Variants in GUCY1B1 observed in about 807,000 individuals in gnomAD.
GUCY1B1 encodes guanylate cyclase soluble subunit beta-1.
In GUCY1B1, 43 loss-of-function variants were observed where a neutral mutation model predicts 71.0. The observed-to-expected ratio is 0.61, with a 90% CI of 0.47 to 0.78. The LOEUF (loss-of-function observed/expected upper bound fraction) is 0.78. Among genes scored for constraint, GUCY1B1 ranks in the 30% least tolerant of loss-of-function variants. The pLI is 0.00. For synonymous variants in GUCY1B1, 266 were observed against 259.7 expected, an observed-to-expected ratio of 1.02 and a Z score of -0.23; for missense variants, 535 against 754.1, an observed-to-expected ratio of 0.71 and a Z score of 3.40.
At position 155,802,624 on chromosome 4, in the gene GUCY1B1, C is replaced by T. The variant is rs182191288; in HGVS notation, c.1413+45C>T. Reference sequence around the variant, plus strand: ...GACTGCAGAGCTATCCAGAGGCTGGCGTTCTGAGACTCCCCTCCAGAGGCC... The same window carrying T: ...GACTGCAGAGCTATCCAGAGGCTGGTGTTCTGAGACTCCCCTCCAGAGGCC... On this transcript the variant is annotated intron_variant, in intron 10 of 13. Coordinates refer to ENST00000264424, the MANE Select transcript of GUCY1B1 (RefSeq NM_000857.5). This position sits in a 1 kb window ranked among gnomAD's most constrained non-coding sequence, Gnocchi z 4.3. The T allele has an allele frequency of 1.5e-5, 22 of 1,484,736 alleles. No individual in the cohort carries two copies. Among genetic ancestry groups the T allele is most frequent in the African/African-American group, 1.1e-4 (8 of 71,612 alleles). 92.0% of individuals were successfully genotyped at this position (1,484,736 alleles called of 1,614,324 possible).
intron 4 of GUCY1B1, among the ~76,000 whole-genome samples, chr4:155,782,344 C>T (rs1298840069): frequency 6.6e-6 from 1 of 152,194 alleles, no homozygotes; most frequent in East Asian, 1.9e-4. Flanking sequence ...CCGCCTCGGC[C>T]TCCCAAAGTG....
intron 4 of GUCY1B1, 149 bp downstream of exon 4, chr4:155,777,791 A>T (rs1738158201): frequency 1.8e-5 from 10 of 540,960 alleles, no homozygotes; most frequent in Non-Finnish European, 2.6e-5. Flanking sequence ...ACATAAAATC[A>T]TCGTTATTGG....
chr4:155,800,160 G>C (rs1466136305), intron 9 of GUCY1B1, 86 bp downstream of exon 9: 2 of 843,910 alleles, frequency 2.4e-6, no homozygotes, highest in Non-Finnish European at 3.6e-6. Context: ...AGACTAAAAA[G>C]CCATGTGACC....
At chr4:155,792,671 A>G (rs966849550) in intron 5 of GUCY1B1, among the ~76,000 whole-genome samples, 2 of 151,698 alleles carry the variant, frequency 1.3e-5, no homozygotes, top group African/African-American at 4.8e-5. Context: ...AATGAACAAC[A>G]TTTTGTTTTT....
chr4:155,780,245 T>C (rs768219792), intron 4 of GUCY1B1, among the ~76,000 whole-genome samples: 44 of 152,322 alleles, frequency 2.9e-4, no homozygotes, highest in Non-Finnish European at 5.7e-4. Context: ...AAACTTAACC[T>C]CTTTAAGAAC....
At chr4:155,787,821 A>G (rs1738899331) in intron 4 of GUCY1B1, among the ~76,000 whole-genome samples, 1 of 152,232 alleles carries the variant, frequency 6.6e-6, no homozygotes, top group Non-Finnish European at 1.5e-5. Flanking sequence ...TTCTCACCGT[A>G]GTTTCCTCCC....
chr4:155,767,736 C>T (rs1460210377), intron 2 of GUCY1B1, among the ~76,000 whole-genome samples: 1 of 152,074 alleles, frequency 6.6e-6, no homozygotes, highest in East Asian at 1.9e-4. Flanking sequence ...CAGAGTCTCT[C>T]CTTTGGGGTT....
intron 4 of GUCY1B1, among the ~76,000 whole-genome samples, chr4:155,782,227 C>T (rs1047017572): frequency 1.6e-4 from 25 of 152,140 alleles, no homozygotes; most frequent in Non-Finnish European, 3.5e-4. Flanking sequence ...AGGCGCCCGC[C>T]ACCACACCCA....
intron 8 of GUCY1B1, among the ~76,000 whole-genome samples, chr4:155,798,897 G>A (rs901232348): frequency 6.6e-6 from 1 of 152,148 alleles, no homozygotes; most frequent in African/African-American, 2.4e-5. Context: ...GAATGCAGTG[G>A]CATGATCTCA....
At chr4:155,779,907 T>C (rs1052460935) in intron 4 of GUCY1B1, among the ~76,000 whole-genome samples, 4 of 152,216 alleles carry the variant, frequency 2.6e-5, no homozygotes, top group Non-Finnish European at 4.4e-5. Context: ...TTTTAATCAG[T>C]CACAGCATCT....
At chr4:155,806,333 A>T (rs1740311529) in intron 13 of GUCY1B1, 53 bp from the exon 14 acceptor site, 2 of 1,172,758 alleles carry the variant, frequency 1.7e-6, no homozygotes, top group Non-Finnish European at 2.5e-6. Flanking sequence ...AATTGATATT[A>T]TAAACCTCAC....
At chr4:155,770,646 C>T (rs7439913) in intron 2 of GUCY1B1, among the ~76,000 whole-genome samples, 1 of 152,002 alleles carries the variant, frequency 6.6e-6, no homozygotes, top group African/African-American at 2.4e-5. Context: ...GCAGTATTTC[C>T]AATTAGCTTT....
intron 2 of GUCY1B1, among the ~76,000 whole-genome samples, chr4:155,761,012 A>G (rs932826501): frequency 1.3e-5 from 2 of 152,222 alleles, no homozygotes; most frequent in African/African-American, 2.4e-5. Flanking sequence ...AGGGTTATAT[A>G]TTAAGCACGA....
Position 155,802,636 on chromosome 4 carries a change from C to G in GUCY1B1, c.1413+57C>G, listed in dbSNP as rs553141390. 1.4e-6 allele frequency: 2 copies of G among 1,455,562 alleles called. No homozygotes were observed. Among genetic ancestry groups the G allele is most frequent in the African/African-American group, 1.4e-5 (1 of 70,666 alleles). 90.2% of individuals were successfully genotyped at this position (1,455,562 alleles called of 1,614,324 possible). A position where few individuals can be genotyped will look rare whatever the true frequency, so the allele number is the denominator to read the frequency against. ...ATCCAGAGGCTGGCGTTCTGAGACT[C>G]CCCTCCAGAGGCCATGTCATCACAG... On this transcript the variant is annotated intron_variant, in intron 10 of 13. Coordinates refer to ENST00000264424, the MANE Select transcript of GUCY1B1 (RefSeq NM_000857.5). The surrounding 1 kb of genome is among the most constrained non-coding windows in gnomAD (Gnocchi z 4.3).
chr4:155,767,914 C>A (rs1167542463), intron 2 of GUCY1B1, among the ~76,000 whole-genome samples: 1 of 150,516 alleles, frequency 6.6e-6, no homozygotes, highest in East Asian at 1.9e-4. Flanking sequence ...TGGTTGGGGA[C>A]AATGCAACAT....
chr4:155,791,841 T>A (rs1458143119), intron 5 of GUCY1B1, among the ~76,000 whole-genome samples: 3 of 152,006 alleles, frequency 2.0e-5, no homozygotes, highest in African/African-American at 7.2e-5. Flanking sequence ...ACTGTTGGTT[T>A]TATTTTTATT....
chr4:155,795,693 G>A (rs987988578), intron 7 of GUCY1B1, among the ~76,000 whole-genome samples: 4 of 151,944 alleles, frequency 2.6e-5, no homozygotes, highest in Non-Finnish European at 4.4e-5. Flanking sequence ...TTTCTGAGAC[G>A]GCCTTGTTTC....
chr4:155,790,011 T>G, intron 5 of GUCY1B1, 100 bp downstream of exon 5: 4 of 778,898 alleles, frequency 5.1e-6, no homozygotes, highest in African/African-American at 1.7e-5. Context: ...GTTAGTGCTC[T>G]TCCCTGGAAG....
At chr4:155,777,045 C>T (rs1738099190) in intron 3 of GUCY1B1, among the ~76,000 whole-genome samples, 1 of 152,122 alleles carries the variant, frequency 6.6e-6, no homozygotes, top group African/African-American at 2.4e-5. Flanking sequence ...CAAGTCGAAA[C>T]ATAAAATTCA....
Sources: allele counts gnomAD v4.1 joint callset (sites outside exome capture counted in the v4.1 genomes callset), GRCh38; gene constraint gnomAD v4.1.1; non-coding constraint Gnocchi (gnomAD v3.1); transcripts MANE v1.5; gene names NCBI Gene and HGNC (gene_info 2026-07-23, HGNC 2026-07-21).